The following PTPRG variants were observed in gnomAD, a reference collection of about 807,000 sequenced individuals.
PTPRG encodes receptor-type tyrosine-protein phosphatase gamma.
A neutral mutation model predicts 165.3 loss-of-function variants in PTPRG; 102 were observed. The observed-to-expected ratio is 0.62, with a 90% CI of 0.53 to 0.73. The LOEUF is 0.73. Among genes scored for constraint, PTPRG ranks in the 30% least tolerant of loss-of-function variants. The pLI is 0.00. For missense variants in PTPRG, 1,866 were observed against 1,861.4 expected (o/e 1.00, Z -0.05); for synonymous variants, 675 against 669.5 (o/e 1.01, Z -0.13).
chr3:61,758,959 C>T (rs952897671), intron 2 of PTPRG, among the ~76,000 whole-genome samples: 16 of 152,190 alleles, frequency 1.1e-4, no homozygotes, highest in African/African-American at 3.9e-4. Context: ...CAGTCACAAG[C>T]TTAAGTATAA....
At chr3:61,664,816 G>C (rs899339235) in intron 1 of PTPRG, among the ~76,000 whole-genome samples, 12 of 152,124 alleles carry the variant, frequency 7.9e-5, no homozygotes, top group African/African-American at 2.9e-4. Flanking sequence ...GGGCGACAGA[G>C]CCAGATCCTG....
chr3:61,963,627 C>G (rs1024054420), intron 2 of PTPRG, among the ~76,000 whole-genome samples: 1 of 152,108 alleles, frequency 6.6e-6, no homozygotes, highest in African/African-American at 2.4e-5. Context: ...TCACAGGTCT[C>G]TGTTGTATCA....
At chr3:62,098,963 G>T (rs1024126294) in intron 5 of PTPRG, among the ~76,000 whole-genome samples, 17 of 152,310 alleles carry the variant, frequency 1.1e-4, no homozygotes, top group Middle Eastern at 3.4e-3. Flanking sequence ...GCATATCGTA[G>T]TGCCACTAGA....
chr3:61,748,175 A>G (rs2033286201), intron 1 of PTPRG, among the ~76,000 whole-genome samples: 1 of 152,216 alleles, frequency 6.6e-6, no homozygotes. Context: ...ATCTTCTGGC[A>G]CCACAGGTGA....
chr3:61,814,413 CAG>C (rs1314791933), intron 2 of PTPRG, among the ~76,000 whole-genome samples: 2 of 152,276 alleles, frequency 1.3e-5, no homozygotes, highest in East Asian at 1.9e-4. Flanking sequence ...AGTTTTTTAT[CAG>C]AGAGTAAATC....
chr3:62,247,956 A>G (rs1701326854), intron 15 of PTPRG, among the ~76,000 whole-genome samples: 2 of 152,154 alleles, frequency 1.3e-5, no homozygotes, highest in South Asian at 4.1e-4. Flanking sequence ...TCTAACAGGA[A>G]TTTAGGATAT....
At chr3:61,648,321 C>T (rs575720605) in intron 1 of PTPRG, among the ~76,000 whole-genome samples, 15 of 152,324 alleles carry the variant, frequency 9.8e-5, no homozygotes, top group East Asian at 5.8e-4. Context: ...CTAACTTCTG[C>T]GGATTCCCTG....
intron 1 of PTPRG, among the ~76,000 whole-genome samples, chr3:61,594,837 GTGTT>G (rs1380845248): frequency 6.6e-6 from 1 of 152,194 alleles, no homozygotes; most frequent in Non-Finnish European, 1.5e-5. Context: ...TGCGCACAGT[GTGTT>G]TGGGGAAATA....
intron 4 of PTPRG, among the ~76,000 whole-genome samples, chr3:62,045,279 C>T (rs1317991449): frequency 6.6e-6 from 1 of 152,184 alleles, no homozygotes; most frequent in African/African-American, 2.4e-5. Context: ...CTTCCCATCA[C>T]AACCAATTAA....
chr3:62,075,887 C>G (rs545114828), intron 4 of PTPRG, among the ~76,000 whole-genome samples: 4 of 152,078 alleles, frequency 2.6e-5, no homozygotes, highest in Non-Finnish European at 5.9e-5. Flanking sequence ...ATACTGTTTT[C>G]TGTAAGGAGT....
chr3:62,208,529 G>A (rs1700283501), intron 12 of PTPRG, among the ~76,000 whole-genome samples: 2 of 152,138 alleles, frequency 1.3e-5, no homozygotes. Flanking sequence ...GCTCAGCCCT[G>A]AGTCAGGTGC....
At chr3:61,895,018 C>G (rs1268027325) in intron 2 of PTPRG, among the ~76,000 whole-genome samples, 1 of 152,168 alleles carries the variant, frequency 6.6e-6, no homozygotes, top group Non-Finnish European at 1.5e-5. Flanking sequence ...CCTCTGCCCC[C>G]ATAGCTGTGA....
intron 4 of PTPRG, 69 bp from the exon 5 acceptor site, chr3:62,078,094 T>C: frequency 9.7e-7 from 1 of 1,029,790 alleles, no homozygotes; most frequent in South Asian, 1.4e-5. Flanking sequence ...ACATTTATGG[T>C]ACTATTCTCT....
Position 62,183,564 on chromosome 3 carries a change from A to G in PTPRG, c.1034-7905A>G, listed in dbSNP as rs183330385. Among the ~76,000 whole-genome samples, 795 of 138,098 alleles carry G rather than the reference A, an allele frequency of 5.8e-3. 6 individuals carry two copies. Among genetic ancestry groups the G allele is most frequent in the African/African-American group, 0.019 (761 of 39,498 alleles). The allele number at this position is 138,098 out of a possible 152,430, so 90.6% of individuals were successfully genotyped here. The stretch of plus-strand genomic sequence containing the variant: ...AGGCGACAGAGTGAGACTCGTCTCA[A>G]TTAAAAAAAAAAAAAAAAAAGAATG... On this transcript the variant is annotated intron_variant, in intron 8 of 29. Coordinates refer to ENST00000474889, the MANE Select transcript of PTPRG (RefSeq NM_002841.4).
intron 1 of PTPRG, among the ~76,000 whole-genome samples, chr3:61,587,759 C>G (rs1206238530): frequency 6.6e-6 from 1 of 152,100 alleles, no homozygotes; most frequent in Non-Finnish European, 1.5e-5. Flanking sequence ...TGGGCTCAAG[C>G]AATCCTCCCA....
In PTPRG at chr3:62,255,724, C is replaced by T. The variant is rs747852834; in HGVS notation, c.2559+509C>T. 2.0e-5 allele frequency among the ~76,000 whole-genome samples: 3 copies of T among 152,060 alleles called. No individual in the cohort carries two copies. The highest frequency in any genetic ancestry group is 2.9e-5 in the Non-Finnish European group (2 of 68,030). On this transcript the variant is annotated intron_variant, in intron 16 of 29. Coordinates refer to ENST00000474889, the MANE Select transcript of PTPRG (RefSeq NM_002841.4). This position sits in a 1 kb window ranked among gnomAD's most constrained non-coding sequence, Gnocchi z 4.0. ...ACCAATGTCACCTACATTGTAACGTCGTTGGAAAAATAAATGATTAACATC... is the reference window on the plus strand; with the variant it reads ...ACCAATGTCACCTACATTGTAACGTTGTTGGAAAAATAAATGATTAACATC...
chr3:61,747,488 T>G (rs575034131), intron 1 of PTPRG, among the ~76,000 whole-genome samples: 5 of 152,206 alleles, frequency 3.3e-5, no homozygotes, highest in Non-Finnish European at 7.3e-5. Flanking sequence ...GACATCAGGT[T>G]TACTTTTTAG....
chr3:61,635,126 T>G (rs1173519259), intron 1 of PTPRG, among the ~76,000 whole-genome samples: 1 of 152,044 alleles, frequency 6.6e-6, no homozygotes, highest in Non-Finnish European at 1.5e-5. Flanking sequence ...AACTTCTACT[T>G]GATGGAGCCT....
chr3:61,613,644 G>A (rs1310486246), intron 1 of PTPRG, among the ~76,000 whole-genome samples: 1 of 152,180 alleles, frequency 6.6e-6, no homozygotes, highest in Non-Finnish European at 1.5e-5. Context: ...TATGAAATCA[G>A]AATGAACTGG....
Sources: gnomAD v4.1 joint callset for allele counts (sites outside exome capture counted in the v4.1 genomes callset) on GRCh38, gnomAD v4.1.1 for gene constraint, Gnocchi (gnomAD v3.1) non-coding constraint, MANE v1.5 for transcripts, NCBI Gene and HGNC (gene_info 2026-07-23, HGNC 2026-07-21) for gene names.